The following ZMAT4 variants were observed in gnomAD, a reference collection of about 807,000 sequenced individuals.
The protein encoded by ZMAT4 is zinc finger matrin-type 4.
ZMAT4 carries 17 observed loss-of-function variants against 28.7 expected under a neutral mutation model. The observed-to-expected ratio is 0.59, with a 90% CI of 0.41 to 0.89. ZMAT4 has a LOEUF of 0.89. Among genes scored for constraint, ZMAT4 ranks in the 40% least tolerant of loss-of-function variants. ZMAT4 has a pLI of 0.00. For synonymous variants in ZMAT4, 117 were observed against 109.2 expected, an observed-to-expected ratio of 1.07 and a Z score of -0.44; for missense variants, 240 against 283.8, an observed-to-expected ratio of 0.85 and a Z score of 1.11.
At chr8:40,855,995 C>T (rs908330193) in intron 1 of ZMAT4, among the ~76,000 whole-genome samples, 4 of 152,012 alleles carry the variant, frequency 2.6e-5, no homozygotes, top group South Asian at 2.1e-4. Context: ...CCAGCCACCA[C>T]CACAACTTTT....
chr8:40,779,763 G>C (rs972401543), intron 2 of ZMAT4, among the ~76,000 whole-genome samples: 2 of 152,138 alleles, frequency 1.3e-5, no homozygotes, highest in African/African-American at 4.8e-5. Context: ...ATCTCTCCCT[G>C]GTGGCTGCCA....
intron 1 of ZMAT4, among the ~76,000 whole-genome samples, chr8:40,835,163 A>G (rs2150621334): frequency 6.6e-6 from 1 of 152,264 alleles, no homozygotes; most frequent in South Asian, 2.1e-4. Flanking sequence ...TTGGATTTTC[A>G]ACTAGTTTGC....
chr8:40,691,420 G>A (rs1264940952), intron 4 of ZMAT4, among the ~76,000 whole-genome samples: 3 of 143,528 alleles, frequency 2.1e-5, no homozygotes, highest in African/African-American at 2.5e-5. Flanking sequence ...AAAAAAAAAA[G>A]AGAGAGAGAC....
intron 5 of ZMAT4, among the ~76,000 whole-genome samples, chr8:40,608,323 C>T (rs764198457): frequency 6.6e-6 from 1 of 152,124 alleles, no homozygotes; most frequent in East Asian, 1.9e-4. Context: ...ATGGCTGCCT[C>T]TGCTGCATCA....
Position 40,713,566 on chromosome 8 carries a change from A to T in ZMAT4, c.193-16165T>A, listed in dbSNP as rs181260387. ...AAGCGTTAAAAGAAAGCTAGTTAACACCCCACCAGTTAAGCAAACAACATA... is the reference window on the plus strand; with the variant it reads ...AAGCGTTAAAAGAAAGCTAGTTAACTCCCCACCAGTTAAGCAAACAACATA... On this transcript the variant is annotated intron_variant, in intron 3 of 6. Transcript: ENST00000297737. Among the ~76,000 whole-genome samples, 20 of 152,294 alleles carry T rather than the reference A, an allele frequency of 1.3e-4. 1 individual carries two copies. The highest frequency in any genetic ancestry group is 2.2e-4 in the Non-Finnish European group (15 of 68,026).
At chr8:40,742,615 G>A (rs1361078133) in intron 3 of ZMAT4, among the ~76,000 whole-genome samples, 7 of 152,080 alleles carry the variant, frequency 4.6e-5, no homozygotes, top group African/African-American at 1.4e-4. Context: ...AAATTCAAAG[G>A]TGCCTCCCTC....
chr8:40,895,882 G>T (rs537496896), intron 1 of ZMAT4, among the ~76,000 whole-genome samples: 15 of 152,274 alleles, frequency 9.9e-5, no homozygotes, highest in South Asian at 4.1e-4. Context: ...TGGGGGTCAC[G>T]TGCCCTGGAG....
chr8:40,544,333 G>A (rs1803131447), intron 6 of ZMAT4, among the ~76,000 whole-genome samples: 1 of 152,192 alleles, frequency 6.6e-6, no homozygotes. Flanking sequence ...AATGGCTTTT[G>A]AGTACTTTCA....
chr8:40,611,297 T>C lies in ZMAT4; in HGVS notation c.578-30036A>G, dbSNP rs188648055. ...AACTACATCGATGTGTCATCATTAA[T>C]TGTTTCTGCCTGGAACTTTTACATA... On this transcript the variant is annotated intron_variant, in intron 5 of 6. Transcript: ENST00000297737. 5.3e-5 allele frequency among the ~76,000 whole-genome samples: 8 copies of C among 152,314 alleles called. No individual in the cohort carries two copies. The East Asian group carries it at 1.5e-3, about 29-fold the overall frequency.
chr8:40,808,280 A>G (rs1815171720), intron 2 of ZMAT4, among the ~76,000 whole-genome samples: 1 of 152,152 alleles, frequency 6.6e-6, no homozygotes. Context: ...TTTAGATCAA[A>G]GGAAACTACT....
intron 6 of ZMAT4, among the ~76,000 whole-genome samples, chr8:40,576,251 T>C (rs1359385651): frequency 1.3e-5 from 2 of 151,748 alleles, no homozygotes; most frequent in Admixed American, 1.3e-4. Flanking sequence ...ACTTATTTAG[T>C]GAAATAACAG....
intron 1 of ZMAT4, among the ~76,000 whole-genome samples, chr8:40,850,259 G>A (rs1307271714): frequency 6.6e-6 from 1 of 152,064 alleles, no homozygotes; most frequent in Admixed American, 6.6e-5. Flanking sequence ...GCCCTCCGCT[G>A]GCCTGTGAGC....
chr8:40,811,807 A>T (rs1178782773), intron 2 of ZMAT4, among the ~76,000 whole-genome samples: 1 of 152,188 alleles, frequency 6.6e-6, no homozygotes, highest in East Asian at 1.9e-4. Flanking sequence ...AATGAGATTC[A>T]CACCCCAATG....
intron 5 of ZMAT4, among the ~76,000 whole-genome samples, chr8:40,667,054 G>T (rs1808445340): frequency 6.6e-6 from 1 of 151,908 alleles, no homozygotes; most frequent in Non-Finnish European, 1.5e-5. Context: ...GTAGTCAAAA[G>T]AAATGTAAAG....
chr8:40,661,654 G>A (rs1439218860), intron 5 of ZMAT4, among the ~76,000 whole-genome samples: 2 of 152,156 alleles, frequency 1.3e-5, no homozygotes, highest in Non-Finnish European at 1.5e-5. Flanking sequence ...TTCTAGGACA[G>A]GTTTCTCCTG....
At chr8:40,846,610 T>A (rs1816908927) in intron 1 of ZMAT4, among the ~76,000 whole-genome samples, 1 of 152,058 alleles carries the variant, frequency 6.6e-6, no homozygotes, top group Non-Finnish European at 1.5e-5. Flanking sequence ...TCCACCTCAC[T>A]CCCCCTTGGC....
chr8:40,875,650 C>A (rs200308179), intron 1 of ZMAT4, among the ~76,000 whole-genome samples: 1 of 152,016 alleles, frequency 6.6e-6, no homozygotes, highest in Non-Finnish European at 1.5e-5. Flanking sequence ...ACAGAGTCAG[C>A]GCTTCAGCCC....
intron 4 of ZMAT4, 37 bp downstream of exon 4, chr8:40,697,208 T>C: frequency 7.2e-6 from 11 of 1,533,292 alleles, no homozygotes; most frequent in Non-Finnish European, 9.7e-6. Flanking sequence ...GCACTTGGTT[T>C]TCAGGGTCTC....
At position 40,711,339 on chromosome 8, in the gene ZMAT4, A is replaced by T. The variant is rs74618707; in HGVS notation, c.193-13938T>A. Among the ~76,000 whole-genome samples the T allele has an allele frequency of 8.6e-3, 1,303 of 152,342 alleles. 24 individuals carry two copies. Among genetic ancestry groups the T allele is most frequent in the African/African-American group, 0.03 (1,246 of 41,582 alleles). On this transcript the variant is annotated intron_variant, in intron 3 of 6. Transcript: ENST00000297737. ...AAAACAGCTTTGCAACCTCCAATGAATTAATGGATCTAGGCATTGGGCATC... is the reference window on the plus strand; with the variant it reads ...AAAACAGCTTTGCAACCTCCAATGATTTAATGGATCTAGGCATTGGGCATC...
Sources: allele counts gnomAD v4.1 joint callset (sites outside exome capture counted in the v4.1 genomes callset), GRCh38; gene constraint gnomAD v4.1.1; transcripts MANE v1.5; gene names NCBI Gene and HGNC (gene_info 2026-07-23, HGNC 2026-07-21).